ITM2B: variants seen among roughly 807,000 people sequenced by gnomAD.
The protein encoded by ITM2B is ABri/ADan amyloid peptide.
Under a neutral mutation model 27.8 loss-of-function variants are expected in ITM2B, and 11 were observed. The ratio of observed to expected loss-of-function variants is 0.40; its 90% CI spans 0.25 to 0.66. The LOEUF (loss-of-function observed/expected upper bound fraction) is 0.66. Among genes scored for constraint, ITM2B ranks in the 30% least tolerant of loss-of-function variants. The pLI, the probability that ITM2B is intolerant of heterozygous loss-of-function variation, is 0.43. For synonymous variants in ITM2B, 114 were observed against 114.3 expected, an observed-to-expected ratio of 1.00 and a Z score of 0.02; for missense variants, 296 against 328.9, an observed-to-expected ratio of 0.90 and a Z score of 0.77.
intron 2 of ITM2B, among the ~76,000 whole-genome samples, chr13:48,254,435 T>C (rs779787202): frequency 2.6e-5 from 4 of 152,236 alleles, no homozygotes; most frequent in Admixed American, 1.3e-4. Context: ...AGCAGTGATA[T>C]TGAAATAACA....
chr13:48,245,850 C>T (rs535799328), intron 1 of ITM2B, among the ~76,000 whole-genome samples: 2 of 151,448 alleles, frequency 1.3e-5, no homozygotes, highest in Non-Finnish European at 2.9e-5. Context: ...GCAGTCTCTG[C>T]TCACTGCAAG....
Position 48,233,635 on chromosome 13 carries a change from G to T in ITM2B, c.117+158G>T, listed in dbSNP as rs1038748146. 2.0e-5 allele frequency among the ~76,000 whole-genome samples: 3 copies of T among 152,134 alleles called. No homozygotes were observed. In the South Asian group the frequency reaches 6.2e-4, roughly 31 times the overall value. On this transcript the variant is annotated intron_variant, in intron 1 of 5. Transcript: ENST00000647800. ...CGGCGCTCCCGTTTCCTGTGGGTCC[G>T]CAGCTCCTTTGTAAGGAAGTGCGTG...
chr13:48,236,272 C>T (rs985046418), intron 1 of ITM2B, among the ~76,000 whole-genome samples: 1 of 152,176 alleles, frequency 6.6e-6, no homozygotes, highest in African/African-American at 2.4e-5. Context: ...AAATTATATA[C>T]ATGTTTTATG....
chr13:48,259,012 GA>G, intron 5 of ITM2B, 65 bp downstream of exon 5: 1 of 1,241,236 alleles, frequency 8.1e-7, no homozygotes, highest in Non-Finnish European at 1.2e-6. Flanking sequence ...AGATTTAGGT[GA>G]AGCCTAGTCA....
At chr13:48,240,182 T>G (rs543392164) in intron 1 of ITM2B, among the ~76,000 whole-genome samples, 40 of 152,330 alleles carry the variant, frequency 2.6e-4, no homozygotes, top group African/African-American at 9.4e-4. Context: ...AGTTAAAAAT[T>G]AGTAGATTTC....
chr13:48,233,300 G>C lies in ITM2B; in HGVS notation c.-61G>C, dbSNP rs2137974276. On this transcript the variant is annotated 5_prime_UTR_variant, in exon 1 of 6. Transcript: ENST00000647800. ...GCCGTAGAGGCTGCAATCGCAGCCGGGAGCCCGCAGCCCGCGCCCCGAGCC... is the reference window on the plus strand; with the variant it reads ...GCCGTAGAGGCTGCAATCGCAGCCGCGAGCCCGCAGCCCGCGCCCCGAGCC... 1 of 1,110,250 alleles carries C rather than the reference G, an allele frequency of 9.0e-7. No homozygotes were observed. The highest frequency in any genetic ancestry group is 1.6e-5 in the African/African-American group (1 of 60,790). 68.8% of individuals were successfully genotyped at this position (1,110,250 alleles called of 1,614,324 possible). A position where few individuals can be genotyped will look rare whatever the true frequency, so the allele number is the denominator to read the frequency against.
intron 1 of ITM2B, among the ~76,000 whole-genome samples, chr13:48,243,907 G>A (rs927835104): frequency 6.6e-5 from 10 of 152,206 alleles, no homozygotes; most frequent in Admixed American, 3.3e-4. Flanking sequence ...TTATCCAAGT[G>A]TGACATGGTG....
At chr13:48,260,497 C>T (rs1173744561) in intron 5 of ITM2B, among the ~76,000 whole-genome samples, 1 of 152,110 alleles carries the variant, frequency 6.6e-6, no homozygotes, top group Non-Finnish European at 1.5e-5. Context: ...GGTAGTTTTT[C>T]AACCCTTACC....
In ITM2B at chr13:48,263,051, A is replaced by G. The variant is rs1161505236; in HGVS notation, c.*1827A>G. On this transcript the variant is annotated 3_prime_UTR_variant, in exon 6 of 6. Coordinates refer to ENST00000647800, the MANE Select transcript of ITM2B (RefSeq NM_021999.5). ...ATCTCACTGGCTTCATGCAGTAGGA[A>G]TATGCTTTCATCACAGTCCAGTATG... 2 of 152,176 alleles carry G rather than the reference A, an allele frequency of 1.3e-5. No individual in the cohort carries two copies. The highest frequency in any genetic ancestry group is 2.9e-5 in the Non-Finnish European group (2 of 68,028). The allele number at this position is 152,176 out of a possible 1,614,324, so 9.4% of individuals were successfully genotyped here.
rs1593401241 is a variant in ITM2B, at chr13:48,270,225, C to G, written c.*9001C>G. 1 of 152,244 alleles carries G rather than the reference C, an allele frequency of 6.6e-6. No homozygotes were observed. Among genetic ancestry groups the G allele is most frequent in the Non-Finnish European group, 1.5e-5 (1 of 68,062 alleles). 9.4% of individuals were successfully genotyped at this position (152,244 alleles called of 1,614,324 possible). On this transcript the variant is annotated 3_prime_UTR_variant, in exon 6 of 6. Transcript: ENST00000647800. Reference sequence around the variant, plus strand: ...TGCTCTTAGACTTTTCCATTCTGCCCTCTTAGGGGCCTTCCTGGCCATGAC... The same window carrying G: ...TGCTCTTAGACTTTTCCATTCTGCCGTCTTAGGGGCCTTCCTGGCCATGAC...
rs1951862895 is a variant in ITM2B at position 48,268,095 on chromosome 13, A to AC, written c.*6873dup. ...CTAAAACTACTTTTTCATTTCTATG[A>AC]CCATAGTTCAGTTTTTGGCTATTCT... On this transcript the variant is annotated 3_prime_UTR_variant, in exon 6 of 6. Coordinates refer to ENST00000647800, the MANE Select transcript of ITM2B (RefSeq NM_021999.5). The AC allele has an allele frequency of 6.6e-6, 1 of 152,114 alleles. No individual in the cohort carries two copies. Among genetic ancestry groups the AC allele is most frequent in the Non-Finnish European group, 1.5e-5 (1 of 68,016 alleles). The allele number at this position is 152,114 out of a possible 1,614,324, so 9.4% of individuals were successfully genotyped here.
Position 48,253,907 on chromosome 13 carries a change from G to C in ITM2B, c.217G>C (p.Ala73Pro), listed in dbSNP as rs745566936. The C allele has an allele frequency of 6.2e-7, 1 of 1,613,650 alleles. No homozygotes were observed. Among genetic ancestry groups the C allele is most frequent in the Non-Finnish European group, 8.5e-7 (1 of 1,179,826 alleles). ...FMLAGVILGGAYLYKYFALQP... is the reference protein window; with the variant it reads ...FMLAGVILGGPYLYKYFALQP... ...GCTTGCAGGTGTTATTCTAGGAGGAGCATACTTGTACAAATATTTTGCACT... is the reference window on the plus strand; with the variant it reads ...GCTTGCAGGTGTTATTCTAGGAGGACCATACTTGTACAAATATTTTGCACT... Residue 73 changes from alanine (A) to proline (P), a missense_variant, in exon 2 of 6, where the codon GCA (alanine) becomes CCA (proline). Physicochemically the swap from Ala to Pro is conservative, Grantham distance 27. Coordinates refer to ENST00000647800, the MANE Select transcript of ITM2B (RefSeq NM_021999.5).
rs763071123 is a variant in ITM2B at position 48,256,293 on chromosome 13, C to A, written c.363C>A (p.Ile121=). ...LYQTIEENIK[I]FEEEEVEFIS... is the part of the protein sequence containing the mutation. ...AGACAATTGAAGAAAATATTAAAAT[C>A]TTTGAAGAAGAAGAAGTTGAATTTA... The change falls in exon 3 of 6, where the codon ATC becomes ATA. Residue 121 remains isoleucine (I), a synonymous_variant. Transcript: ENST00000647800. 4 of 1,613,724 alleles carry A rather than the reference C, an allele frequency of 2.5e-6. No individual in the cohort carries two copies. Among genetic ancestry groups the A allele is most frequent in the African/African-American group, 2.7e-5 (2 of 74,904 alleles).
At chr13:48,235,253 A>G (rs1201600295) in intron 1 of ITM2B, among the ~76,000 whole-genome samples, 2 of 152,242 alleles carry the variant, frequency 1.3e-5, no homozygotes, top group African/African-American at 4.8e-5. Context: ...CAGATTCTCA[A>G]AATTGCTCAC....
At chr13:48,233,556 C>T in intron 1 of ITM2B, 79 bp downstream of exon 1, 3 of 940,556 alleles carry the variant, frequency 3.2e-6, no homozygotes, top group South Asian at 2.0e-5. Context: ...GGCAGTGCGC[C>T]CCGAGGTGGC....
At chr13:48,255,822 G>C (rs914145126) in intron 2 of ITM2B, among the ~76,000 whole-genome samples, 3 of 152,130 alleles carry the variant, frequency 2.0e-5, no homozygotes, top group South Asian at 4.1e-4. Context: ...AGAAAAACTT[G>C]ACTAGTTTTG....
At chr13:48,235,238 T>C (rs935941807) in intron 1 of ITM2B, among the ~76,000 whole-genome samples, 5 of 152,256 alleles carry the variant, frequency 3.3e-5, no homozygotes, top group African/African-American at 1.2e-4. Context: ...AAATAGTGAC[T>C]CTGCCAGATT....
chr13:48,247,968 G>A (rs1233258512), intron 1 of ITM2B, among the ~76,000 whole-genome samples: 1 of 151,878 alleles, frequency 6.6e-6, no homozygotes, highest in East Asian at 1.9e-4. Context: ...TTTTAAGCGC[G>A]ATGCAAGGTG....
rs112495499 is a variant in ITM2B at position 48,257,848 on chromosome 13, A to T, written c.454-278A>T. On this transcript the variant is annotated intron_variant, in intron 3 of 5. Coordinates refer to ENST00000647800, the MANE Select transcript of ITM2B (RefSeq NM_021999.5). ...TATAAGTGGGGAAGTTAAATTGCTT[A>T]ATTATATAATAAGTATTTGCAGTTA... is the stretch of plus-strand genomic sequence containing the variant. Among the ~76,000 whole-genome samples the T allele has an allele frequency of 2.8e-4, 42 of 152,344 alleles. 2 individuals are homozygous for T. The highest frequency in any genetic ancestry group is 9.9e-4 in the African/African-American group (41 of 41,578).
Sources: allele counts gnomAD v4.1 joint callset (sites outside exome capture counted in the v4.1 genomes callset), GRCh38; gene constraint gnomAD v4.1.1; transcripts MANE v1.5; gene names NCBI Gene and HGNC (gene_info 2026-07-23, HGNC 2026-07-21).